SGCD: variants seen among roughly 807,000 people sequenced by gnomAD.
SGCD encodes the protein sarcoglycan delta.
Under a neutral mutation model 36.6 loss-of-function variants are expected in SGCD, and 18 were observed. That is an observed-to-expected ratio of 0.49 (90% CI 0.34 to 0.73). SGCD has a LOEUF of 0.73. Among genes scored for constraint, SGCD ranks in the 30% least tolerant of loss-of-function variants. The pLI, the probability that SGCD is intolerant of heterozygous loss-of-function variation, is 0.01. For missense variants in SGCD, 387 were observed against 346.7 expected (o/e 1.12, Z -0.92); for synonymous variants, 133 against 130.6 (o/e 1.02, Z -0.12).
chr5:156,613,682 C>T (rs1489866043), intron 6 of SGCD, among the ~76,000 whole-genome samples: 2 of 152,222 alleles, frequency 1.3e-5, no homozygotes, highest in African/African-American at 4.8e-5. Flanking sequence ...CAGGGATAGA[C>T]CTCAGTAAGC....
At chr5:156,412,177 A>G (rs1310195698) in intron 3 of SGCD, among the ~76,000 whole-genome samples, 1 of 152,252 alleles carries the variant, frequency 6.6e-6, no homozygotes, top group Non-Finnish European at 1.5e-5. Context: ...GGGTCAGAGT[A>G]GCACCTGCTT....
chr5:156,673,500 C>T (rs748816080), intron 7 of SGCD, among the ~76,000 whole-genome samples: 2 of 152,120 alleles, frequency 1.3e-5, no homozygotes, highest in South Asian at 2.1e-4. Flanking sequence ...CTTTCATTGC[C>T]GCTTCCTATT....
rs913688210 is a variant in SGCD, at chr5:156,761,202, G to A, written c.*1812G>A. The A allele has an allele frequency of 3.3e-5, 5 of 152,246 alleles. No homozygotes were observed. Among genetic ancestry groups the A allele is most frequent in the Admixed American group, 2.0e-4 (3 of 15,286 alleles). The allele number at this position is 152,246 out of a possible 1,614,324, so 9.4% of individuals were successfully genotyped here. On this transcript the variant is annotated 3_prime_UTR_variant, in exon 9 of 9. Transcript: ENST00000337851. ...AGGCTGAGATTTGCACACATGGGAT[G>A]TAAAAGCAAGCTGTGTGTTGCTTAG...
intron 1 of SGCD, among the ~76,000 whole-genome samples, chr5:156,005,042 G>A (rs1472842853): frequency 2.0e-5 from 3 of 152,168 alleles, no homozygotes; most frequent in African/African-American, 4.8e-5. Flanking sequence ...CTGCTTCCCC[G>A]AAGTAGGCTA....
the SGCD span, among the ~76,000 whole-genome samples, chr5:155,780,268 T>G: frequency 3.9e-5 from 6 of 152,216 alleles, no homozygotes; most frequent in African/African-American, 1.2e-4. Flanking sequence ...GGAAGCTTTG[T>G]GGTCTTTAGA....
intron 1 of SGCD, among the ~76,000 whole-genome samples, chr5:155,879,306 A>G (rs892201273): frequency 4.6e-5 from 7 of 152,164 alleles, no homozygotes; most frequent in Non-Finnish European, 8.8e-5. Context: ...ACTGTAATGC[A>G]TTTTGTACGC....
chr5:156,239,928 G>T (rs1290020071), intron 3 of SGCD, among the ~76,000 whole-genome samples: 3 of 152,154 alleles, frequency 2.0e-5, no homozygotes, highest in Admixed American at 2.0e-4. Flanking sequence ...TTGGCAGTTT[G>T]TTGACCTTGA....
At chr5:156,597,346 G>A (rs1368906286) in intron 6 of SGCD, among the ~76,000 whole-genome samples, 1 of 152,138 alleles carries the variant, frequency 6.6e-6, no homozygotes, top group Admixed American at 6.5e-5. Flanking sequence ...AAGAAAAAGA[G>A]GTTTAATGGA....
chr5:156,090,913 C>T (rs995725425), intron 1 of SGCD, among the ~76,000 whole-genome samples: 2 of 152,186 alleles, frequency 1.3e-5, no homozygotes, highest in African/African-American at 2.4e-5. Context: ...CTGTATTCTT[C>T]CCGACCCCGC....
chr5:155,729,198 A>G, the SGCD span, among the ~76,000 whole-genome samples: 2,677 of 152,266 alleles, frequency 0.018, 74 homozygotes, highest in African/African-American at 0.062. Flanking sequence ...CCGCTTCCTA[A>G]GGAGAAAAGG....
chr5:156,556,116 A>G (rs1759009339), intron 4 of SGCD, among the ~76,000 whole-genome samples: 1 of 123,066 alleles, frequency 8.1e-6, no homozygotes, highest in Non-Finnish European at 1.7e-5. Context: ...TCTGATACAG[A>G]TAAGAAAAAA....
intron 1 of SGCD, among the ~76,000 whole-genome samples, chr5:156,024,355 A>C (rs1759179471): frequency 6.6e-6 from 1 of 151,534 alleles, no homozygotes; most frequent in Non-Finnish European, 1.5e-5. Context: ...TTGCCCTATG[A>C]AATGTTGAAG....
chr5:156,725,275 T>C (rs901799493), intron 7 of SGCD, among the ~76,000 whole-genome samples: 1 of 152,184 alleles, frequency 6.6e-6, no homozygotes, highest in Non-Finnish European at 1.5e-5. Flanking sequence ...TCAAGAAGCG[T>C]TGCATATCAG....
intron 1 of SGCD, among the ~76,000 whole-genome samples, chr5:155,973,631 G>A (rs1758049793): frequency 6.6e-6 from 1 of 152,176 alleles, no homozygotes; most frequent in Non-Finnish European, 1.5e-5. Flanking sequence ...GAATATATAT[G>A]ATGCGCAGAA....
At chr5:156,103,777 A>C (rs1761579748) in intron 1 of SGCD, among the ~76,000 whole-genome samples, 2 of 152,104 alleles carry the variant, frequency 1.3e-5, no homozygotes, top group Non-Finnish European at 2.9e-5. Flanking sequence ...CACATTTGCA[A>C]ATGTTGCCAT....
At chr5:156,595,578 C>G (rs974571216) in intron 6 of SGCD, among the ~76,000 whole-genome samples, 3 of 152,160 alleles carry the variant, frequency 2.0e-5, no homozygotes, top group Non-Finnish European at 4.4e-5. Flanking sequence ...CTCAAGCTGT[C>G]AAGTCTTTTT....
chr5:156,224,822 A>G (rs1211461231), intron 3 of SGCD, among the ~76,000 whole-genome samples: 1 of 152,128 alleles, frequency 6.6e-6, no homozygotes, highest in African/African-American at 2.4e-5. Context: ...TAGGACATGC[A>G]TTTAGTCTAT....
At chr5:155,982,994 A>T (rs543327233) in intron 1 of SGCD, among the ~76,000 whole-genome samples, 1 of 152,014 alleles carries the variant, frequency 6.6e-6, no homozygotes, top group African/African-American at 2.4e-5. Context: ...CTTTTTATTT[A>T]TTTTTTCTCT....
intron 1 of SGCD, among the ~76,000 whole-genome samples, chr5:155,916,538 T>C (rs1004467420): frequency 6.6e-6 from 1 of 152,170 alleles, no homozygotes; most frequent in Non-Finnish European, 1.5e-5. Context: ...TTGTCCCAAA[T>C]TGCACTCAGA....
Sources: gnomAD v4.1 joint callset for allele counts (sites outside exome capture counted in the v4.1 genomes callset) on GRCh38, gnomAD v4.1.1 for gene constraint, MANE v1.5 for transcripts, NCBI Gene and HGNC (gene_info 2026-07-23, HGNC 2026-07-21) for gene names.